Variants in DBR1 observed in about 807,000 individuals in gnomAD.
DBR1 encodes the protein lariat debranching enzyme.
A neutral mutation model predicts 45.9 loss-of-function variants in DBR1; 33 were observed. The observed-to-expected ratio is 0.72, with a 90% CI of 0.55 to 0.96. The LOEUF (loss-of-function observed/expected upper bound fraction) is 0.96, where lower values mean the gene tolerates loss of function less well. DBR1 is among the 40% of genes least tolerant of loss of function. DBR1 has a pLI of 0.00. For synonymous variants in DBR1, 235 were observed against 235.9 expected (o/e 1.00, Z 0.04); for missense variants, 619 against 667.4 (o/e 0.93, Z 0.80).
intron 4 of DBR1, among the ~76,000 whole-genome samples, chr3:138,168,835 A>G (rs1413584076): frequency 1.3e-5 from 2 of 152,080 alleles, no homozygotes; most frequent in Non-Finnish European, 2.9e-5. Context: ...ATGCATGCCT[A>G]TAGTCCAAGC....
intron 2 of DBR1, among the ~76,000 whole-genome samples, chr3:138,172,468 G>A (rs536138192): frequency 3.9e-5 from 6 of 152,124 alleles, no homozygotes; most frequent in Non-Finnish European, 7.4e-5. Flanking sequence ...GGTGGTACAC[G>A]CTTGCAGTCA....
At chr3:138,166,292 T>C (rs867862569) in intron 5 of DBR1, among the ~76,000 whole-genome samples, 2 of 152,126 alleles carry the variant, frequency 1.3e-5, no homozygotes, top group African/African-American at 2.4e-5. Flanking sequence ...TCATTATAAG[T>C]ATATATTTAT....
Position 138,162,144 on chromosome 3 carries a change from C to A in DBR1, c.1380G>T (p.Glu460Asp). 6.2e-7 allele frequency: 1 copy of A among 1,614,174 alleles called. No individual in the cohort carries two copies. The highest frequency in any genetic ancestry group is 8.5e-7 in the Non-Finnish European group (1 of 1,180,036). Residue 460 changes from glutamate to aspartate, a missense_variant, in exon 8 of 8, where the codon GAG becomes GAT. Physicochemically the swap from Glu to Asp is conservative, Grantham distance 45 (BLOSUM62 2). Around this residue, in one of 3 missense-constraint regions of DBR1, gnomAD observed 182 missense variants for 196.1 expected, o/e 0.93. Transcript: ENST00000260803. ...TGACATCAGAGAAACTTGCAGAAAA[C>A]TCAGAAGCTTGATCAGAAGGTTCTA... ...PSVEPSDQAS[E>D]FSASFSDVRI...
intron 5 of DBR1, 144 bp from the exon 6 acceptor site, chr3:138,164,002 T>G (rs73867020): frequency 0.027 from 14,382 of 540,764 alleles, 612 homozygotes; most frequent in African/African-American, 0.15. Flanking sequence ...TTTCCAAAAT[T>G]AAGTTAATTC....
chr3:138,165,325 T>G (rs1023705326), intron 5 of DBR1, among the ~76,000 whole-genome samples: 2 of 152,204 alleles, frequency 1.3e-5, no homozygotes. Flanking sequence ...GAATACATAC[T>G]GGTTTAATAT....
In DBR1 at chr3:138,173,630, G is replaced by A; in HGVS notation, c.198-4C>T. 1 of 1,607,570 alleles carries A rather than the reference G, an allele frequency of 6.2e-7. No homozygotes were observed. The highest frequency in any genetic ancestry group is 8.5e-7 in the Non-Finnish European group (1 of 1,177,342). On this transcript the variant is annotated splice_region_variant and splice_polypyrimidine_tract_variant and intron_variant, in intron 1 of 7. Transcript: ENST00000260803. ...CTTTTTCTCTCCAGAGTAATACCTAGAACATAAGAGCAAAGTCAGTTACCA... is the reference window on the plus strand; with the variant it reads ...CTTTTTCTCTCCAGAGTAATACCTAAAACATAAGAGCAAAGTCAGTTACCA...
In DBR1 at chr3:138,170,093, C is replaced by T. The variant is rs201702427; in HGVS notation, c.489+14G>A. ...AAATGTTTTCAAGTCTGCTGTAATG[C>T]GCTTTTTACGTACCTGTTTTAATTT... is the stretch of plus-strand genomic sequence containing the variant. On this transcript the variant is annotated intron_variant, in intron 4 of 7. Transcript: ENST00000260803. The T allele has an allele frequency of 1.1e-4, 166 of 1,492,524 alleles. No individual in the cohort carries two copies. The highest frequency in any genetic ancestry group is 3.1e-4 in the Admixed American group (18 of 57,428). The allele number at this position is 1,492,524 out of a possible 1,614,324, so 92.5% of individuals were successfully genotyped here. A position where few individuals can be genotyped will look rare whatever the true frequency, so the allele number is the denominator to read the frequency against.
chr3:138,173,517 T>A lies in DBR1; in HGVS notation c.307A>T (p.Asn103Tyr). 2 of 1,613,946 alleles carry A rather than the reference T, an allele frequency of 1.2e-6. No individual in the cohort carries two copies. The highest frequency in any genetic ancestry group is 1.7e-6 in the Non-Finnish European group (2 of 1,179,896). ...AATCACATACCTAAATAATAAATGT[T>A]TGGTGCCACCCAGCCACCATAGGGT... ...ELPYGGWVAPNIYYLGLAGVV... is the reference protein window; with the variant it reads ...ELPYGGWVAPYIYYLGLAGVV... Residue 103 changes from asparagine to tyrosine, a missense_variant, in exon 2 of 8, where the codon AAC (asparagine) becomes TAC (tyrosine). Around this residue, in one of 3 missense-constraint regions of DBR1, gnomAD observed 430 missense variants for 447.7 expected, o/e 0.96. Coordinates refer to ENST00000260803, the MANE Select transcript of DBR1 (RefSeq NM_016216.4).
chr3:138,174,022 A>G (rs71312569), intron 1 of DBR1, among the ~76,000 whole-genome samples: 1 of 67,182 alleles, frequency 1.5e-5, no homozygotes, highest in Non-Finnish European at 3.4e-5. Flanking sequence ...CTCTGTCTCA[A>G]GAAAAAAAAA....
chr3:138,163,310 G>T (rs2042916008), intron 7 of DBR1, 39 bp downstream of exon 7: 1 of 1,599,056 alleles, frequency 6.3e-7, no homozygotes, highest in Admixed American at 1.7e-5. Context: ...AATTATGCAT[G>T]CAATGGAAAA....
Position 138,168,317 on chromosome 3 carries a change from G to A in DBR1, c.490-1012C>T, listed in dbSNP as rs141347864. On this transcript the variant is annotated intron_variant, in intron 4 of 7. Transcript: ENST00000260803. ...TGGATCGCCTGAAGGTCAGGAGTTC[G>A]AGACCAGCCTGGCCAACATGGTGAA... Among the ~76,000 whole-genome samples, 639 of 151,350 alleles carry A rather than the reference G, an allele frequency of 4.2e-3. 3 individuals are homozygous for A. Among genetic ancestry groups the A allele is most frequent in the African/African-American group, 0.015 (603 of 41,238 alleles).
Position 138,167,216 on chromosome 3 carries a change from T to C in DBR1, c.579A>G (p.Lys193=), listed in dbSNP as rs2107903803. ...YGNKKQLLKT[K]SFFRQEVENN... ...TTTCCACTTCTTGTCGGAAAAAAGA[T>C]TTAGTCTTAAGAAGTTGCTTCTTAT... The change falls in exon 5 of 8, where the codon AAA becomes AAG. Residue 193 remains lysine (K), a synonymous_variant. Coordinates refer to ENST00000260803, the MANE Select transcript of DBR1 (RefSeq NM_016216.4). The C allele has an allele frequency of 6.2e-7, 1 of 1,614,034 alleles. No individual in the cohort carries two copies. Among genetic ancestry groups the C allele is most frequent in the Middle Eastern group, 1.6e-4 (1 of 6,062 alleles).
chr3:138,174,268 C>T (rs895926073), intron 1 of DBR1, among the ~76,000 whole-genome samples: 1 of 152,140 alleles, frequency 6.6e-6, no homozygotes, highest in Non-Finnish European at 1.5e-5. Flanking sequence ...CTATCTAAAC[C>T]TGTCAGCTTC....
At chr3:138,164,108 G>A (rs1369636421) in intron 5 of DBR1, 5 of 290,758 alleles carry the variant, frequency 1.7e-5, no homozygotes, top group Admixed American at 4.9e-5. Context: ...TGATGATGAT[G>A]TTAACTCAAA....
Position 138,162,011 on chromosome 3 carries a change from A to G in DBR1, c.1513T>C (p.Leu505=). 1 of 1,614,100 alleles carries G rather than the reference A, an allele frequency of 6.2e-7. No homozygotes were observed. Among genetic ancestry groups the G allele is most frequent in the Middle Eastern group, 1.6e-4 (1 of 6,062 alleles). ...AGCCTCTTCAATGGCACCTTGGTTAAGTCCTCTCCATTCCCTGACTCCACA... is the reference window on the plus strand; with the variant it reads ...AGCCTCTTCAATGGCACCTTGGTTAGGTCCTCTCCATTCCCTGACTCCACA... ...GTVESGNGED[L]TKVPLKRLSD... is the part of the protein sequence containing the mutation. Residue 505 remains leucine (L), a synonymous_variant, in exon 8 of 8, where the codon TTA becomes CTA. Coordinates refer to ENST00000260803, the MANE Select transcript of DBR1 (RefSeq NM_016216.4).
intron 7 of DBR1, 31 bp downstream of exon 7, chr3:138,163,318 A>G (rs745616189): frequency 1.9e-6 from 3 of 1,602,588 alleles, no homozygotes; most frequent in South Asian, 2.2e-5. Flanking sequence ...ATGCAATGGA[A>G]AAAGCAGGTC....
intron 4 of DBR1, 83 bp from the exon 5 acceptor site, chr3:138,167,388 T>C (rs944641474): frequency 1.9e-5 from 17 of 895,006 alleles, no homozygotes; most frequent in Non-Finnish European, 2.9e-5. Flanking sequence ...TCTACCACCA[T>C]ACAACCATTC....
chr3:138,163,690 G>C (rs1304744364), intron 6 of DBR1, 88 bp downstream of exon 6: 1 of 1,014,772 alleles, frequency 9.9e-7, no homozygotes, highest in Non-Finnish European at 1.4e-6. Context: ...ATTACAAACA[G>C]AACAAAAAAA....
intron 1 of DBR1, among the ~76,000 whole-genome samples, chr3:138,174,307 C>G (rs1469086948): frequency 6.6e-6 from 1 of 152,066 alleles, no homozygotes; most frequent in Non-Finnish European, 1.5e-5. Context: ...TCCCAGGCTT[C>G]GACACCCTTT....
Sources: allele counts gnomAD v4.1 joint callset (sites outside exome capture counted in the v4.1 genomes callset), GRCh38; gene constraint gnomAD v4.1.1; regional missense constraint gnomAD v4.1.1; transcripts MANE v1.5; gene names NCBI Gene and HGNC (gene_info 2026-07-23, HGNC 2026-07-21).